The following TOX variants were observed in gnomAD, a reference collection of about 807,000 sequenced individuals.
The protein encoded by TOX is thymocyte selection-associated high mobility group box protein TOX.
Under a neutral mutation model 53.7 loss-of-function variants are expected in TOX, and 11 were observed. That is an observed-to-expected ratio of 0.20 (90% CI 0.13 to 0.34). TOX has a LOEUF of 0.34. TOX is among the 10% of genes least tolerant of loss of function. The probability of loss-of-function intolerance (pLI) is 1.00; values close to 1 mark genes in which losing one functional copy is unlikely to be tolerated. For missense variants in TOX, 570 were observed against 664.6 expected (o/e 0.86, Z 1.56); for synonymous variants, 225 against 245.3 (o/e 0.92, Z 0.77).
intron 3 of TOX, among the ~76,000 whole-genome samples, chr8:58,930,236 C>G (rs1462233123): frequency 6.6e-6 from 1 of 152,150 alleles, no homozygotes; most frequent in African/African-American, 2.4e-5. Flanking sequence ...TTGTACCTGT[C>G]TGGGGGAAAT....
intron 1 of TOX, among the ~76,000 whole-genome samples, chr8:59,082,285 G>T (rs568165374): frequency 5.3e-5 from 8 of 152,340 alleles, no homozygotes; most frequent in African/African-American, 1.9e-4. Flanking sequence ...GGAGAATTGG[G>T]GAGTTGAAAG....
At chr8:58,905,122 G>A (rs1480680557) in intron 3 of TOX, among the ~76,000 whole-genome samples, 8 of 152,104 alleles carry the variant, frequency 5.3e-5, no homozygotes, top group Non-Finnish European at 1.0e-4. Flanking sequence ...TAGTAGAGAC[G>A]GGGTTTTACC....
intron 1 of TOX, among the ~76,000 whole-genome samples, chr8:58,986,005 A>G (rs905410248): frequency 6.6e-6 from 1 of 152,176 alleles, no homozygotes; most frequent in South Asian, 2.1e-4. Context: ...TTGATCTATA[A>G]TTTATGTGCT....
At chr8:58,830,334 T>C (rs1810432152) in intron 5 of TOX, among the ~76,000 whole-genome samples, 1 of 152,178 alleles carries the variant, frequency 6.6e-6, no homozygotes, top group Admixed American at 6.6e-5. Flanking sequence ...GTGGCTAAAC[T>C]AAAACATATA....
chr8:59,088,773 TC>T (rs1447826232), intron 1 of TOX, among the ~76,000 whole-genome samples: 1 of 152,192 alleles, frequency 6.6e-6, no homozygotes, highest in Non-Finnish European at 1.5e-5. Flanking sequence ...GCTGGAGCAT[TC>T]ACAGACAATG....
chr8:59,032,300 T>C (rs1019854774), intron 1 of TOX, among the ~76,000 whole-genome samples: 5 of 152,236 alleles, frequency 3.3e-5, no homozygotes, highest in Non-Finnish European at 7.3e-5. Flanking sequence ...AGTGGAGCTG[T>C]GACACAGTAA....
At chr8:58,843,075 G>A (rs1810671165) in intron 4 of TOX, among the ~76,000 whole-genome samples, 1 of 152,148 alleles carries the variant, frequency 6.6e-6, no homozygotes, top group Non-Finnish European at 1.5e-5. Flanking sequence ...AAGCTATGGT[G>A]TTGCCCCCAT....
At chr8:58,915,409 G>A (rs1256262446) in intron 3 of TOX, among the ~76,000 whole-genome samples, 12 of 94,324 alleles carry the variant, frequency 1.3e-4, no homozygotes, top group African/African-American at 3.1e-4. Context: ...CCCCCGAGCA[G>A]CCTAACTGGG....
At position 58,970,968 on chromosome 8, in the gene TOX, C is replaced by T. The variant is rs574820483; in HGVS notation, c.103-10960G>A. On this transcript the variant is annotated intron_variant, in intron 1 of 8. Coordinates refer to ENST00000361421, the MANE Select transcript of TOX (RefSeq NM_014729.3). ...GTAAACCAGATCCTACTTTAGTTTT[C>T]CACATCTTCCTATTCTAAAGAGACC... 5.9e-5 allele frequency among the ~76,000 whole-genome samples: 9 copies of T among 152,326 alleles called. 1 individual carries two copies. In the South Asian group the frequency reaches 1.9e-3, roughly 32 times the overall value.
intron 1 of TOX, among the ~76,000 whole-genome samples, chr8:59,093,383 A>G (rs1337662205): frequency 1.3e-5 from 2 of 152,218 alleles, no homozygotes; most frequent in African/African-American, 2.4e-5. Flanking sequence ...AGTAGAGCCA[A>G]GCACAGGTGG....
intron 3 of TOX, among the ~76,000 whole-genome samples, chr8:58,935,530 T>C (rs995783061): frequency 2.0e-5 from 3 of 152,202 alleles, no homozygotes; most frequent in African/African-American, 7.2e-5. Flanking sequence ...AATCTACAAC[T>C]GTTAGCTTTT....
chr8:59,053,023 T>A (rs376234247), intron 1 of TOX, among the ~76,000 whole-genome samples: 2 of 152,322 alleles, frequency 1.3e-5, no homozygotes, highest in South Asian at 4.1e-4. Context: ...GAATTCCATA[T>A]GGCAATAAAA....
intron 1 of TOX, among the ~76,000 whole-genome samples, chr8:59,102,620 A>G (rs1358269519): frequency 2.6e-5 from 4 of 152,168 alleles, no homozygotes; most frequent in African/African-American, 9.7e-5. Context: ...TGATTCAATC[A>G]TCTCCCACCA....
intron 3 of TOX, among the ~76,000 whole-genome samples, chr8:58,915,115 AG>A (rs1351625683): frequency 6.6e-6 from 1 of 150,912 alleles, no homozygotes; most frequent in Non-Finnish European, 1.5e-5. Context: ...GGCGGCAACG[AG>A]GCTGGGGGAG....
intron 1 of TOX, among the ~76,000 whole-genome samples, chr8:59,035,947 A>G (rs1356142881): frequency 6.6e-6 from 1 of 152,230 alleles, no homozygotes; most frequent in Non-Finnish European, 1.5e-5. Flanking sequence ...TCCTCACTTT[A>G]CAGAGGAGGA....
chr8:58,853,774 T>A (rs1810865545), intron 3 of TOX, among the ~76,000 whole-genome samples: 1 of 152,232 alleles, frequency 6.6e-6, no homozygotes. Flanking sequence ...TGTTGCCTCT[T>A]CTTAGATGTA....
At chr8:59,024,272 A>G (rs1209134675) in intron 1 of TOX, among the ~76,000 whole-genome samples, 3 of 152,204 alleles carry the variant, frequency 2.0e-5, no homozygotes, top group African/African-American at 7.2e-5. Context: ...TTAGAAATAA[A>G]TATTTCACAG....
intron 2 of TOX, among the ~76,000 whole-genome samples, chr8:58,955,734 T>C (rs1411313276): frequency 7.9e-6 from 1 of 126,106 alleles, no homozygotes; most frequent in Admixed American, 7.7e-5. Flanking sequence ...AAAGGACACT[T>C]TTTTTTTTTT....
At chr8:58,907,544 G>A (rs1461565605) in intron 3 of TOX, among the ~76,000 whole-genome samples, 3 of 152,018 alleles carry the variant, frequency 2.0e-5, no homozygotes, top group Non-Finnish European at 2.9e-5. Flanking sequence ...GCAGTGAGCT[G>A]AGATCACACC....
Sources: gnomAD v4.1 joint callset for allele counts (sites outside exome capture counted in the v4.1 genomes callset) on GRCh38, gnomAD v4.1.1 for gene constraint, MANE v1.5 for transcripts, NCBI Gene and HGNC (gene_info 2026-07-23, HGNC 2026-07-21) for gene names.